RIGI: variants seen among roughly 807,000 people sequenced by gnomAD.
RIGI encodes the protein RNA sensor RIG-I.
At chr9:32,463,596 A>T in the RIGI span, among the ~76,000 whole-genome samples, 1 of 152,226 alleles carries the variant, frequency 6.6e-6, no homozygotes, top group African/African-American at 2.4e-5. Context: ...AATCCTAATA[A>T]GTTAAAACTA....
chr9:32,519,599 T>C, the RIGI span, among the ~76,000 whole-genome samples: 1 of 152,212 alleles, frequency 6.6e-6, no homozygotes. Context: ...ATTTCCAAGG[T>C]AATTCAATTC....
the RIGI span, among the ~76,000 whole-genome samples, chr9:32,497,216 G>A: frequency 6.6e-5 from 10 of 152,102 alleles, 1 homozygote; most frequent in South Asian, 4.1e-4. Flanking sequence ...CATTCTTTCA[G>A]CAATGTTTTG....
chr9:32,501,682 G>A, the RIGI span, among the ~76,000 whole-genome samples: 4 of 152,086 alleles, frequency 2.6e-5, no homozygotes, highest in African/African-American at 9.7e-5. Flanking sequence ...AATTTTCTGG[G>A]TTTTCTTTCC....
the RIGI span, chr9:32,489,439 G>A: frequency 1.4e-5 from 23 of 1,611,410 alleles, no homozygotes; most frequent in Non-Finnish European, 1.8e-5. Context: ...GTACAAGTTT[G>A]TATCAGACAC....
At chr9:32,504,185 G>A in the RIGI span, among the ~76,000 whole-genome samples, 44 of 152,164 alleles carry the variant, frequency 2.9e-4, no homozygotes, top group Non-Finnish European at 5.4e-4. Flanking sequence ...TTTCCAAGAC[G>A]TTACTAGCGT....
the RIGI span, among the ~76,000 whole-genome samples, chr9:32,494,446 T>A: frequency 6.6e-6 from 1 of 152,212 alleles, no homozygotes; most frequent in East Asian, 1.9e-4. Context: ...AAGATATTTA[T>A]TTAAAAATCA....
At chr9:32,502,878 G>C in the RIGI span, among the ~76,000 whole-genome samples, 1 of 152,306 alleles carries the variant, frequency 6.6e-6, no homozygotes, top group African/African-American at 2.4e-5. Context: ...AGGGACACCA[G>C]TCATATTGAA....
the RIGI span, chr9:32,498,306 G>A: frequency 1.1e-5 from 5 of 456,596 alleles, no homozygotes; most frequent in African/African-American, 8.0e-5. Context: ...AAGGCATGAA[G>A]CTCACCTGCC....
the RIGI span, among the ~76,000 whole-genome samples, chr9:32,486,217 C>T: frequency 5.0e-3 from 760 of 151,882 alleles, 5 homozygotes; most frequent in African/African-American, 0.017. Flanking sequence ...TTTGGGAGGC[C>T]GAGGAGGGTG....
chr9:32,495,755 G>T, the RIGI span, among the ~76,000 whole-genome samples: 4 of 151,312 alleles, frequency 2.6e-5, no homozygotes, highest in African/African-American at 9.7e-5. Flanking sequence ...CACCTCCTGG[G>T]TTCAAGCAAT....
At chr9:32,521,139 CAAAAAAA>C in the RIGI span, among the ~76,000 whole-genome samples, 12 of 32,776 alleles carry the variant, frequency 3.7e-4, 1 homozygote, top group Non-Finnish European at 5.6e-4. Context: ...GACACCATCT[CAAAAAAA>C]AAAAAAAAAA....
chr9:32,480,990 T>C, the RIGI span, among the ~76,000 whole-genome samples: 1 of 152,224 alleles, frequency 6.6e-6, no homozygotes, highest in Non-Finnish European at 1.5e-5. Context: ...AACAGAACTT[T>C]CCACTTGCTG....
At chr9:32,480,170 AGT>A in the RIGI span, 1 of 1,559,846 alleles carries the variant, frequency 6.4e-7, no homozygotes, top group South Asian at 1.2e-5. Context: ...TTGCCATTCC[AGT>A]CACCAAGAAT....
the RIGI span, among the ~76,000 whole-genome samples, chr9:32,521,752 T>C: frequency 1.3e-5 from 2 of 152,158 alleles, no homozygotes; most frequent in African/African-American, 4.8e-5. Flanking sequence ...TATTAATATG[T>C]GTTGCAGGAC....
chr9:32,469,848 A>G, the RIGI span, among the ~76,000 whole-genome samples: 235 of 151,614 alleles, frequency 1.5e-3, 4 homozygotes, highest in East Asian at 0.032. Context: ...ACGTTTATCT[A>G]TTAGTAGAAT....
chr9:32,475,449 A>G, the RIGI span, among the ~76,000 whole-genome samples: 1 of 152,350 alleles, frequency 6.6e-6, no homozygotes, highest in East Asian at 1.9e-4. Context: ...GAATGGGTGA[A>G]GAGGTGTATG....
the RIGI span, chr9:32,473,160 G>A: frequency 1.3e-6 from 1 of 743,286 alleles, no homozygotes; most frequent in Non-Finnish European, 2.1e-6. Flanking sequence ...AAAATTTAAA[G>A]TTAGTACACG....
At chr9:32,505,646 T>A in the RIGI span, among the ~76,000 whole-genome samples, 3 of 152,206 alleles carry the variant, frequency 2.0e-5, no homozygotes, top group African/African-American at 7.2e-5. Context: ...ATTATGTGTA[T>A]AAATATATAG....
the RIGI span, among the ~76,000 whole-genome samples, chr9:32,506,371 A>T: frequency 7.9e-5 from 12 of 152,232 alleles, no homozygotes; most frequent in African/African-American, 2.9e-4. Context: ...GAATTTGCTC[A>T]ATCTTCATAA....
Sources: gnomAD v4.1 joint callset for allele counts (sites outside exome capture counted in the v4.1 genomes callset) on GRCh38, gnomAD v4.1.1 for gene constraint, MANE v1.5 for transcripts, NCBI Gene and HGNC (gene_info 2026-07-23, HGNC 2026-07-21) for gene names.